Variants in TTC6 observed in about 807,000 individuals in gnomAD.
TTC6 encodes tetratricopeptide repeat domain 6, also known as tetratricopeptide repeat protein 6.
In TTC6, 172 loss-of-function variants were observed where a neutral mutation model predicts 210.4. That is an observed-to-expected ratio of 0.82 (90% CI 0.72 to 0.93). The LOEUF is 0.93. Ranked by LOEUF, TTC6 falls within the 40% of genes least tolerant of loss-of-function variation. TTC6 has a pLI of 0.00. For missense variants in TTC6, 2,414 were observed against 2,318.1 expected (o/e 1.04, Z -0.85); for synonymous variants, 804 against 819.6 (o/e 0.98, Z 0.32).
intron 10 of TTC6, among the ~76,000 whole-genome samples, chr14:37,745,511 A>T (rs1008200403): frequency 2.0e-5 from 3 of 152,134 alleles, no homozygotes; most frequent in African/African-American, 7.2e-5. Context: ...TACTACCATT[A>T]TCTTCCTCAG....
At chr14:37,625,454 A>G (rs1030612679) in intron 1 of TTC6, among the ~76,000 whole-genome samples, 1 of 151,878 alleles carries the variant, frequency 6.6e-6, no homozygotes, top group East Asian at 1.9e-4. Context: ...AGGCTGAGGC[A>G]GGAAAATCTC....
Position 37,721,847 on chromosome 14 carries a change from C to CATATATAT in TTC6, c.1714-3028_1714-3021dup, listed in dbSNP as rs35265224. Among the ~76,000 whole-genome samples, 864 of 117,234 alleles carry CATATATAT rather than the reference C, an allele frequency of 7.4e-3. 6 individuals carry two copies. The highest frequency in any genetic ancestry group is 0.017 in the South Asian group (55 of 3,242). 76.9% of individuals were successfully genotyped at this position (117,234 alleles called of 152,430 possible). A position where few individuals can be genotyped will look rare whatever the true frequency, so the allele number is the denominator to read the frequency against. ...CATGCTTTGGCACTGTGAGTTTCAC[C>CATATATAT]ATATATATATATATATATATATATA... On this transcript the variant is annotated intron_variant, in intron 6 of 30. Transcript: ENST00000553443.
intron 29 of TTC6, among the ~76,000 whole-genome samples, chr14:37,833,416 A>T (rs1472961259): frequency 6.6e-6 from 1 of 152,076 alleles, no homozygotes; most frequent in African/African-American, 2.4e-5. Context: ...GTTTTGTTTG[A>T]TATAACTCCT....
At chr14:37,652,617 C>T (rs942496181) in intron 1 of TTC6, among the ~76,000 whole-genome samples, 3 of 152,254 alleles carry the variant, frequency 2.0e-5, no homozygotes, top group Admixed American at 6.5e-5. Flanking sequence ...AACCTTTTTA[C>T]ACCTCTCATT....
At chr14:37,770,263 A>G (rs1390123621) in intron 14 of TTC6, among the ~76,000 whole-genome samples, 9 of 152,314 alleles carry the variant, frequency 5.9e-5, no homozygotes, top group Non-Finnish European at 1.3e-4. Context: ...GTGGTGCTGA[A>G]AAAAATGTAT....
chr14:37,736,021 T>C lies in TTC6; in HGVS notation c.1908+11T>C, dbSNP rs754969126. The stretch of plus-strand genomic sequence containing the variant: ...AGAACAAATTTTTGGGTATGTACAA[T>C]TTTTGTTCTTAATTAGGATTGTTTA... On this transcript the variant is annotated intron_variant, in intron 8 of 30. Transcript: ENST00000553443. 5.6e-6 allele frequency: 8 copies of C among 1,419,204 alleles called. No individual in the cohort carries two copies. In the African/African-American group the frequency reaches 9.9e-5, roughly 18 times the overall value. 87.9% of individuals were successfully genotyped at this position (1,419,204 alleles called of 1,614,324 possible).
At chr14:37,641,660 GT>G (rs2095692003) in intron 1 of TTC6, among the ~76,000 whole-genome samples, 1 of 152,024 alleles carries the variant, frequency 6.6e-6, no homozygotes. Flanking sequence ...TAAATTTTTA[GT>G]TTATCTTATT....
At chr14:37,802,047 T>A (rs2096107865) in intron 20 of TTC6, 1 of 152,072 alleles carries the variant, frequency 6.6e-6, no homozygotes, top group Non-Finnish European at 1.5e-5. Context: ...ATACACACGA[T>A]GGAATATTAT....
At chr14:37,761,208 G>T (rs2095983432) in intron 14 of TTC6, among the ~76,000 whole-genome samples, 1 of 152,042 alleles carries the variant, frequency 6.6e-6, no homozygotes, top group Non-Finnish European at 1.5e-5. Context: ...GTAGTATCTA[G>T]GCTGGGTAGC....
chr14:37,702,243 T>C (rs1220742121), intron 5 of TTC6, among the ~76,000 whole-genome samples: 1 of 152,198 alleles, frequency 6.6e-6, no homozygotes, highest in Non-Finnish European at 1.5e-5. Context: ...GCTGAAGTTC[T>C]TATCTCTTGA....
At chr14:37,831,606 G>A (rs1291735144) in intron 29 of TTC6, among the ~76,000 whole-genome samples, 1 of 76,280 alleles carries the variant, frequency 1.3e-5, no homozygotes, top group Non-Finnish European at 3.5e-5. Context: ...TTCTTTGTTT[G>A]CAATAGCCAT....
intron 4 of TTC6, among the ~76,000 whole-genome samples, chr14:37,700,328 T>TA (rs1324822703): frequency 6.6e-6 from 1 of 152,136 alleles, no homozygotes; most frequent in African/African-American, 2.4e-5. Flanking sequence ...ATACCTCCAA[T>TA]ACAGCTTCGT....
intron 1 of TTC6, among the ~76,000 whole-genome samples, chr14:37,652,649 C>A (rs2095715124): frequency 6.6e-6 from 1 of 152,256 alleles, no homozygotes; most frequent in South Asian, 2.1e-4. Context: ...AAGACAACAA[C>A]TTCCCAGCCT....
intron 29 of TTC6, among the ~76,000 whole-genome samples, chr14:37,830,463 G>T (rs921648103): frequency 6.6e-6 from 1 of 151,482 alleles, no homozygotes. Flanking sequence ...TTATATAGAT[G>T]TTGTATATTC....
At chr14:37,824,018 T>C in intron 27 of TTC6, 61 bp downstream of exon 29, 1 of 1,478,010 alleles carries the variant, frequency 6.8e-7, no homozygotes, top group Non-Finnish European at 9.4e-7. Context: ...TATATTTGGC[T>C]CTTTCCTGGC....
intron 7 of TTC6, among the ~76,000 whole-genome samples, chr14:37,725,310 GTGTATATATATA>G (rs1276660215): frequency 5.4e-4 from 30 of 55,714 alleles, no homozygotes; most frequent in East Asian, 2.3e-3. Flanking sequence ...GTGTGTGTGT[GTGTATATATATA>G]TATATATATA....
At position 37,609,712 on chromosome 14, in the gene TTC6, A is replaced by G. The variant is rs1394657471; in HGVS notation, c.-155+2970A>G. On this transcript the variant is annotated intron_variant, in intron 2 of 2. Transcript: ENST00000556845. ...TTTCAAGGTTACATTAATTTGAACTATTTTTTCAGTTTAGGAACATGGCAT... is the reference window on the plus strand; with the variant it reads ...TTTCAAGGTTACATTAATTTGAACTGTTTTTTCAGTTTAGGAACATGGCAT... Among the ~76,000 whole-genome samples the G allele has an allele frequency of 3.9e-5, 6 of 152,034 alleles. No homozygotes were observed. The East Asian group carries it at 1.2e-3, about 29-fold the overall frequency.
intron 14 of TTC6, among the ~76,000 whole-genome samples, chr14:37,779,670 G>C (rs527702543): frequency 6.6e-6 from 1 of 152,176 alleles, no homozygotes; most frequent in Non-Finnish European, 1.5e-5. Flanking sequence ...CATTTGCTGA[G>C]AGGGCAAAAT....
At chr14:37,680,620 G>A (rs995618497) in intron 2 of TTC6, among the ~76,000 whole-genome samples, 4 of 152,158 alleles carry the variant, frequency 2.6e-5, no homozygotes, top group African/African-American at 9.7e-5. Context: ...ATTGTTAAAA[G>A]CATTGCAAGG....
Sources: allele counts gnomAD v4.1 joint callset (sites outside exome capture counted in the v4.1 genomes callset), GRCh38; gene constraint gnomAD v4.1.1; transcripts MANE v1.5; gene names NCBI Gene and HGNC (gene_info 2026-07-23, HGNC 2026-07-21).